The following METTL8 variants were observed in gnomAD, a reference collection of about 807,000 sequenced individuals.
The protein encoded by METTL8 is methyltransferase 8, tRNA N3-cytidine.
A neutral mutation model predicts 48.7 loss-of-function variants in METTL8; 32 were observed. The ratio of observed to expected loss-of-function variants is 0.66; its 90% CI spans 0.50 to 0.88. The LOEUF (loss-of-function observed/expected upper bound fraction) is 0.88. Among genes scored for constraint, METTL8 ranks in the 40% least tolerant of loss-of-function variants. The probability of loss-of-function intolerance (pLI) is 0.00; values close to 1 mark genes in which losing one functional copy is unlikely to be tolerated. For synonymous variants in METTL8, 136 were observed against 157.1 expected (o/e 0.87, Z 1.01); for missense variants, 464 against 474.4 (o/e 0.98, Z 0.20).
intron 1 of METTL8, among the ~76,000 whole-genome samples, chr2:171,431,635 C>A (rs1693031726): frequency 6.6e-6 from 1 of 152,210 alleles, no homozygotes; most frequent in Non-Finnish European, 1.5e-5. Context: ...CAGGATGCCA[C>A]CAAACATGGG....
upstream of METTL8, chr2:171,434,610 C>T (rs1415910355): frequency 2.6e-6 from 4 of 1,528,782 alleles, no homozygotes; most frequent in Admixed American, 3.9e-5. Flanking sequence ...ACGTGTGCAG[C>T]CGGCTGAGTC....
chr2:171,346,632 T>G (rs971371110), intron 3 of METTL8, among the ~76,000 whole-genome samples: 1 of 152,188 alleles, frequency 6.6e-6, no homozygotes, highest in Admixed American at 6.5e-5. Context: ...TGCTGTATAA[T>G]AATCTGCATA....
intron 1 of METTL8, among the ~76,000 whole-genome samples, chr2:171,420,237 G>A (rs1056322937): frequency 4.6e-5 from 7 of 152,140 alleles, no homozygotes; most frequent in Non-Finnish European, 1.0e-4. Flanking sequence ...AAAGCGGCTT[G>A]GTCAAGATCT....
chr2:171,330,698 A>AC lies in METTL8; in HGVS notation c.721-1dup (p.Ser241ValfsTer16), dbSNP rs776886791. 3.0e-4 allele frequency: 482 copies of AC among 1,606,826 alleles called. No homozygotes were observed. The highest frequency in any genetic ancestry group is 8.2e-4 in the Middle Eastern group (5 of 6,064). Reference sequence around the variant, plus strand: ...TGGGTTGCTCTGTAGGACGAGTGTGACTGTCATGATAAAGGAACAGAAAGC... The same window carrying AC: ...TGGGTTGCTCTGTAGGACGAGTGTGACCTGTCATGATAAAGGAACAGAAAGC... On this transcript the variant is annotated frameshift_variant and splice_region_variant. Coordinates refer to ENST00000375258, the MANE Select transcript of METTL8 (RefSeq NM_001321154.2). LOFTEE classifies it high-confidence loss of function.
intron 3 of METTL8, among the ~76,000 whole-genome samples, chr2:171,360,140 T>C (rs968003376): frequency 6.6e-6 from 1 of 152,200 alleles, no homozygotes. Context: ...GCATAGCAAG[T>C]GGAAAAGTTT....
rs550860135 is a variant in METTL8 at position 171,339,503 on chromosome 2, T to C, written c.287A>G (p.His96Arg). 51 of 1,609,192 alleles carry C rather than the reference T, an allele frequency of 3.2e-5. 1 individual carries two copies. In the South Asian group the frequency reaches 4.9e-4, roughly 15 times the overall value. The change falls in exon 4 of 10, where the codon CAT (histidine) becomes CGT (arginine). Residue 96 changes from histidine to arginine, a missense_variant. Coordinates refer to ENST00000375258, the MANE Select transcript of METTL8 (RefSeq NM_001321154.2). ...ACGATCCTTGAAAAACTTATTCTTA[T>C]GAATCTTGTAAAATGTGTCCCAGTA... is the stretch of plus-strand genomic sequence containing the variant. ...SKYWDTFYKIHKNKFFKDRNW... is the reference protein window; with the variant it reads ...SKYWDTFYKIRKNKFFKDRNW...
At position 171,375,094 on chromosome 2, in the gene METTL8, T is replaced by C. The variant is rs570164835; in HGVS notation, c.144-14581A>G. ...CTTCACATACAGCTTGGGAAGCACA[T>C]AGGCATTGAAGACGCTCACTTCAGA... On this transcript the variant is annotated intron_variant, in intron 2 of 9. Transcript: ENST00000375258. 3.4e-3 allele frequency: 4,083 copies of C among 1,199,886 alleles called. 9 individuals carry two copies. The highest frequency in any genetic ancestry group is 4.4e-3 in the Non-Finnish European group (3,575 of 816,460). The allele number at this position is 1,199,886 out of a possible 1,614,324, so 74.3% of individuals were successfully genotyped here. A position where few individuals can be genotyped will look rare whatever the true frequency, so the allele number is the denominator to read the frequency against.
At chr2:171,371,473 C>T (rs182801549) in intron 2 of METTL8, among the ~76,000 whole-genome samples, 24 of 152,322 alleles carry the variant, frequency 1.6e-4, no homozygotes, top group African/African-American at 4.6e-4. Flanking sequence ...TCTCCTGCCT[C>T]AGCCTCCTGA....
chr2:171,336,319 A>G (rs1475216613), intron 5 of METTL8, among the ~76,000 whole-genome samples: 1 of 140,024 alleles, frequency 7.1e-6, no homozygotes, highest in African/African-American at 2.7e-5. Context: ...CTGGTCTCGA[A>G]CTCCTGATCT....
At chr2:171,418,547 CTTTA>C (rs749728715) in intron 1 of METTL8, among the ~76,000 whole-genome samples, 5 of 152,070 alleles carry the variant, frequency 3.3e-5, no homozygotes, top group Non-Finnish European at 5.9e-5. Flanking sequence ...TTATTCAATC[CTTTA>C]TTTATATCAG....
intron 1 of METTL8, among the ~76,000 whole-genome samples, chr2:171,423,174 G>T (rs767882972): frequency 2.2e-4 from 33 of 152,172 alleles, no homozygotes; most frequent in Non-Finnish European, 3.1e-4. Flanking sequence ...ATGATTGTAA[G>T]TCTCCTGAAG....
chr2:171,409,151 G>A (rs879876517), intron 1 of METTL8, among the ~76,000 whole-genome samples: 4 of 152,238 alleles, frequency 2.6e-5, no homozygotes, highest in Admixed American at 6.5e-5. Flanking sequence ...AGGTGGCTAA[G>A]CCGGGACTTG....
At chr2:171,382,594 C>A (rs571992901) in intron 2 of METTL8, among the ~76,000 whole-genome samples, 1 of 151,980 alleles carries the variant, frequency 6.6e-6, no homozygotes, top group East Asian at 1.9e-4. Context: ...TAGGACAAAT[C>A]CCTAATGCAT....
chr2:171,373,356 G>A (rs1029960589), intron 2 of METTL8, among the ~76,000 whole-genome samples: 2 of 152,112 alleles, frequency 1.3e-5, no homozygotes, highest in African/African-American at 4.8e-5. Flanking sequence ...ATTTGATTGA[G>A]TTCTTTGTAG....
At chr2:171,325,196 GT>G (rs964688723) in intron 9 of METTL8, among the ~76,000 whole-genome samples, 5 of 148,104 alleles carry the variant, frequency 3.4e-5, no homozygotes, top group East Asian at 4.0e-4. Flanking sequence ...AAAATGTATT[GT>G]TTTTTTAGAC....
In METTL8 at chr2:171,360,519, A is replaced by T. The variant is rs777916687; in HGVS notation, c.144-6T>A. 7 of 1,551,470 alleles carry T rather than the reference A, an allele frequency of 4.5e-6. No individual in the cohort carries two copies. The highest frequency in any genetic ancestry group is 5.3e-6 in the Non-Finnish European group (6 of 1,140,416). On this transcript the variant is annotated splice_polypyrimidine_tract_variant and splice_region_variant and intron_variant, in intron 2 of 9. Transcript: ENST00000375258. The stretch of plus-strand genomic sequence containing the variant: ...TAGACCACTGCATGTGATCCCTATT[A>T]AAAAAAAATAGACTGTAAAATATGC...
intron 3 of METTL8, among the ~76,000 whole-genome samples, chr2:171,351,179 A>G (rs1442594619): frequency 2.6e-5 from 4 of 152,208 alleles, no homozygotes; most frequent in Non-Finnish European, 5.9e-5. Flanking sequence ...GCTTTCTAAT[A>G]TGGCTAGCCA....
chr2:171,354,986 A>C (rs972163594), intron 3 of METTL8, among the ~76,000 whole-genome samples: 1 of 152,096 alleles, frequency 6.6e-6, no homozygotes, highest in African/African-American at 2.4e-5. Flanking sequence ...GTCTTTCTCC[A>C]TCCAGCTTTG....
At chr2:171,411,402 C>T (rs999162810) in intron 1 of METTL8, among the ~76,000 whole-genome samples, 4 of 152,120 alleles carry the variant, frequency 2.6e-5, no homozygotes, top group Non-Finnish European at 4.4e-5. Context: ...TGGTGTGTAC[C>T]TGTCCTTCCA....
Sources: allele counts gnomAD v4.1 joint callset (sites outside exome capture counted in the v4.1 genomes callset), GRCh38; gene constraint gnomAD v4.1.1; transcripts MANE v1.5; gene names NCBI Gene and HGNC (gene_info 2026-07-23, HGNC 2026-07-21).